The following CTBP1 variants were observed in gnomAD, a reference collection of about 807,000 sequenced individuals.
CTBP1 encodes C-terminal binding protein 1.
A neutral mutation model predicts 42.1 loss-of-function variants in CTBP1; 11 were observed. The observed-to-expected ratio is 0.26, with a 90% CI of 0.16 to 0.43. The LOEUF (loss-of-function observed/expected upper bound fraction) is 0.43, where lower values mean the gene tolerates loss of function less well. Among genes scored for constraint, CTBP1 ranks in the 20% least tolerant of loss-of-function variants. The pLI, the probability that CTBP1 is intolerant of heterozygous loss-of-function variation, is 1.00. For synonymous variants in CTBP1, 324 were observed against 277.1 expected (o/e 1.17, Z -1.68); for missense variants, 399 against 624.3 (o/e 0.64, Z 3.85).
chr4:1,243,213 C>T, intron 1 of CTBP1: 1 of 985,432 alleles, frequency 1.0e-6, no homozygotes, highest in Non-Finnish European at 1.2e-6. Flanking sequence ...CAATGCTGCT[C>T]AATGCTTATC....
chr4:1,244,275 G>T, intron 1 of CTBP1: 1 of 985,076 alleles, frequency 1.0e-6, no homozygotes, highest in African/African-American at 1.7e-5. Context: ...GAGAGGGACC[G>T]GGTTGCCCCG....
chr4:1,229,353 C>T (rs748604555), intron 3 of CTBP1, among the ~76,000 whole-genome samples: 11 of 152,242 alleles, frequency 7.2e-5, no homozygotes, highest in East Asian at 5.8e-4. Flanking sequence ...CGCCCACCCA[C>T]GGGTGCAGAG....
At position 1,220,550 on chromosome 4, in the gene CTBP1, T is replaced by C. The variant is rs146677599; in HGVS notation, c.515-4345A>G. ...GCTGATTCCAGAATGGAAATGGAAA[T>C]GCACAGCAGGACCTAAAACAGCCAA... On this transcript the variant is annotated intron_variant, in intron 5 of 9. Coordinates refer to ENST00000382952, the MANE Select transcript of CTBP1 (RefSeq NM_001012614.2). Among the ~76,000 whole-genome samples, 214 of 152,298 alleles carry C rather than the reference T, an allele frequency of 1.4e-3. 1 individual carries two copies. Among genetic ancestry groups the C allele is most frequent in the African/African-American group, 4.6e-3 (191 of 41,556 alleles).
In CTBP1 at chr4:1,238,078, C is replaced by T; in HGVS notation, c.162+105G>A. The T allele has an allele frequency of 6.9e-7, 1 of 1,457,012 alleles. No homozygotes were observed. The highest frequency in any genetic ancestry group is 9.6e-7 in the Non-Finnish European group (1 of 1,044,540). 90.3% of individuals were successfully genotyped at this position (1,457,012 alleles called of 1,614,324 possible). A position where few individuals can be genotyped will look rare whatever the true frequency, so the allele number is the denominator to read the frequency against. ...GACTGGGACAGAGGCTGCTCCTGCC[C>T]CAGTGGCACCCAGACCTGCTGTGGC... On this transcript the variant is annotated intron_variant, in intron 3 of 9. Transcript: ENST00000382952. This position sits in a 1 kb window ranked among gnomAD's most constrained non-coding sequence, Gnocchi z 5.9.
Position 1,238,590 on chromosome 4 carries a change from G to A in CTBP1, c.8-253C>T, listed in dbSNP as rs902357693. Among the ~76,000 whole-genome samples, 42 of 151,534 alleles carry A rather than the reference G, an allele frequency of 2.8e-4. No individual in the cohort carries two copies. The highest frequency in any genetic ancestry group is 9.5e-4 in the African/African-American group (39 of 41,148). On this transcript the variant is annotated intron_variant, in intron 2 of 9. Coordinates refer to ENST00000382952, the MANE Select transcript of CTBP1 (RefSeq NM_001012614.2). This position sits in a 1 kb window ranked among gnomAD's most constrained non-coding sequence, Gnocchi z 5.9. ...CATCTCCCTTGGGCACAGGACCTCCGAGACCCTCCAAGTCCCCTCCGAGAC... is the reference window on the plus strand; with the variant it reads ...CATCTCCCTTGGGCACAGGACCTCCAAGACCCTCCAAGTCCCCTCCGAGAC...
chr4:1,225,141 C>T (rs1457833802), intron 5 of CTBP1, among the ~76,000 whole-genome samples: 1 of 151,946 alleles, frequency 6.6e-6, no homozygotes, highest in African/African-American at 2.4e-5. Context: ...TCTGTGTGTG[C>T]CTGTGTGAGA....
chr4:1,245,412 G>C (rs992028729), intron 1 of CTBP1: 21 of 985,262 alleles, frequency 2.1e-5, no homozygotes, highest in Non-Finnish European at 2.5e-5. Context: ...GGGGTATCAG[G>C]GCTACACCTT....
intron 6 of CTBP1, chr4:1,215,678 C>A: frequency 2.4e-6 from 1 of 419,862 alleles, no homozygotes; most frequent in Admixed American, 4.2e-5. Flanking sequence ...AAGGGCCGAC[C>A]CAACGCCCCC....
In CTBP1 at chr4:1,238,380, C is replaced by A. The variant is rs1731796181; in HGVS notation, c.8-43G>T. Reference sequence around the variant, plus strand: ...GTGCTCAGCCTTGCACCACTGCGGCCCCGTGGCTACAACCCACTCCACGCC... The same window carrying A: ...GTGCTCAGCCTTGCACCACTGCGGCACCGTGGCTACAACCCACTCCACGCC... On this transcript the variant is annotated intron_variant, in intron 2 of 9. Coordinates refer to ENST00000382952, the MANE Select transcript of CTBP1 (RefSeq NM_001012614.2). The surrounding 1 kb of genome is among the most constrained non-coding windows in gnomAD (Gnocchi z 5.9). The A allele has an allele frequency of 1.3e-6, 2 of 1,510,994 alleles. No individual in the cohort carries two copies. The highest frequency in any genetic ancestry group is 1.8e-6 in the Non-Finnish European group (2 of 1,132,988). The allele number at this position is 1,510,994 out of a possible 1,614,324, so 93.6% of individuals were successfully genotyped here.
chr4:1,224,566 G>T (rs561048945), intron 5 of CTBP1, among the ~76,000 whole-genome samples: 94 of 151,812 alleles, frequency 6.2e-4, no homozygotes, highest in Non-Finnish European at 1.1e-3. Flanking sequence ...CGTGTGTGCT[G>T]TGACATCCGT....
intron 5 of CTBP1, chr4:1,216,800 G>C (rs1319397497): frequency 6.2e-6 from 1 of 161,290 alleles, no homozygotes; most frequent in Non-Finnish European, 1.4e-5. Context: ...TCCCAGCACA[G>C]GAGCCGTGGA....
At chr4:1,244,180 T>C (rs2335855) in intron 1 of CTBP1, 454,204 of 984,900 alleles carry the variant, frequency 0.46, 105,242 homozygotes, top group South Asian at 0.48. Context: ...CACCATCTGC[T>C]TGCCGGATCC....
chr4:1,227,035 G>A (rs781369036), intron 4 of CTBP1, among the ~76,000 whole-genome samples: 9 of 152,048 alleles, frequency 5.9e-5, no homozygotes, highest in African/African-American at 1.2e-4. Flanking sequence ...TCGAGAGGAG[G>A]AGAAAAAACA....
At position 1,237,882 on chromosome 4, in the gene CTBP1, A is replaced by ATTCTT. The variant is rs1731725879; in HGVS notation, c.162+300_162+301insAAGAA. 5.7e-6 allele frequency: 4 copies of ATTCTT among 695,880 alleles called. No individual in the cohort carries two copies. The South Asian group carries it at 5.9e-5, about 10-fold the overall frequency. The allele number at this position is 695,880 out of a possible 1,614,324, so 43.1% of individuals were successfully genotyped here. On this transcript the variant is annotated intron_variant, in intron 3 of 9. Transcript: ENST00000382952. ...CACCTCCTGATGGGGCACAGGGCAA[A>ATTCTT]CCGAATGTCCACCTCCTGATGGGGC...
chr4:1,223,409 C>T (rs1220491444), intron 5 of CTBP1: 4 of 455,554 alleles, frequency 8.8e-6, no homozygotes, highest in South Asian at 6.2e-5. Context: ...GTGAACCAAC[C>T]TCTCCCACTA....
At chr4:1,243,924 G>C (rs904824267) in intron 1 of CTBP1, 2 of 985,228 alleles carry the variant, frequency 2.0e-6, no homozygotes, top group African/African-American at 3.5e-5. Flanking sequence ...CATGTTGTAA[G>C]AAAGCACTCA....
chr4:1,214,348 G>A lies in CTBP1; in HGVS notation c.855C>T (p.Pro285=). Residue 285 remains proline (P), a synonymous_variant, in exon 7 of 10, where the codon CCC becomes CCT. Coordinates refer to ENST00000382952, the MANE Select transcript of CTBP1 (RefSeq NM_001012614.2). ...GAALDVHESE[P]FSFSQGPLKD... ...GGCACTGGCCGTGGGGGCACCTGAAGGGTTCCGACTCGTGCACATCCAGGG... is the reference window on the plus strand; with the variant it reads ...GGCACTGGCCGTGGGGGCACCTGAAAGGTTCCGACTCGTGCACATCCAGGG... 6.4e-7 allele frequency: 1 copy of A among 1,556,452 alleles called. No individual in the cohort carries two copies. Among genetic ancestry groups the A allele is most frequent in the Non-Finnish European group, 8.6e-7 (1 of 1,158,346 alleles).
intron 1 of CTBP1, among the ~76,000 whole-genome samples, chr4:1,246,305 G>A (rs528465171): frequency 3.3e-5 from 5 of 152,220 alleles, no homozygotes; most frequent in Non-Finnish European, 5.9e-5. Flanking sequence ...CGTTCCCTTG[G>A]GCGATGCAGT....
intron 9 of CTBP1, 39 bp downstream of exon 9, chr4:1,212,874 C>T (rs762532571): frequency 1.3e-6 from 2 of 1,546,016 alleles, no homozygotes; most frequent in South Asian, 2.2e-5. Flanking sequence ...AAGCCTGGGG[C>T]CCTCCTGGAG....
Sources: allele counts gnomAD v4.1 joint callset (sites outside exome capture counted in the v4.1 genomes callset), GRCh38; gene constraint gnomAD v4.1.1; non-coding constraint Gnocchi (gnomAD v3.1); transcripts MANE v1.5; gene names NCBI Gene and HGNC (gene_info 2026-07-23, HGNC 2026-07-21).